The following ARB2A variants were observed in gnomAD, a reference collection of about 807,000 sequenced individuals.
ARB2A encodes the protein cotranscriptional regulator ARB2A.
the ARB2A span, among the ~76,000 whole-genome samples, chr5:93,931,250 G>A: frequency 6.6e-6 from 1 of 152,148 alleles, no homozygotes; most frequent in African/African-American, 2.4e-5. Flanking sequence ...CAGATCATCT[G>A]AGGTCAGCAG....
chr5:93,938,933 TTTAATG>T, the ARB2A span, among the ~76,000 whole-genome samples: 68 of 152,264 alleles, frequency 4.5e-4, 1 homozygote, highest in Middle Eastern at 3.4e-3. Flanking sequence ...GCCTGAAAAG[TTTAATG>T]AAAAGACAAT....
chr5:93,741,642 G>A, the ARB2A span: 2 of 1,425,090 alleles, frequency 1.4e-6, no homozygotes, highest in Non-Finnish European at 9.2e-7. Flanking sequence ...GCCCCCTCAA[G>A]CCCCGCCCCC....
chr5:93,937,473 G>C, the ARB2A span, among the ~76,000 whole-genome samples: 2 of 151,750 alleles, frequency 1.3e-5, no homozygotes, highest in South Asian at 4.2e-4. Context: ...TTAGCTGGGC[G>C]TGGTGGCATG....
the ARB2A span, among the ~76,000 whole-genome samples, chr5:93,635,735 C>A: frequency 6.6e-6 from 1 of 152,092 alleles, no homozygotes; most frequent in East Asian, 1.9e-4. Flanking sequence ...CTACTGCGTC[C>A]GGCTAGTTTA....
At chr5:93,655,068 C>G in the ARB2A span, among the ~76,000 whole-genome samples, 2 of 152,172 alleles carry the variant, frequency 1.3e-5, no homozygotes, top group African/African-American at 4.8e-5. Context: ...CCTTGCAGAG[C>G]CTCTGTTTCT....
chr5:93,618,436 C>G, the ARB2A span: 2 of 152,072 alleles, frequency 1.3e-5, no homozygotes, highest in Non-Finnish European at 2.9e-5. Flanking sequence ...GACTTTAAAT[C>G]TCCACTCTCC....
the ARB2A span, among the ~76,000 whole-genome samples, chr5:93,846,995 G>A: frequency 6.6e-6 from 1 of 152,168 alleles, no homozygotes; most frequent in Non-Finnish European, 1.5e-5. Flanking sequence ...CAAAGCTAGA[G>A]TCAATCCTCT....
chr5:94,045,551 T>G, the ARB2A span, among the ~76,000 whole-genome samples: 6 of 152,202 alleles, frequency 3.9e-5, no homozygotes, highest in Non-Finnish European at 5.9e-5. Context: ...TTGTTTAGCT[T>G]AGAAACAGGA....
chr5:93,776,307 G>T, the ARB2A span: 2 of 1,312,598 alleles, frequency 1.5e-6, no homozygotes, highest in Non-Finnish European at 2.1e-6. Flanking sequence ...TTTTTAGGGA[G>T]AGTTTAATTT....
the ARB2A span, among the ~76,000 whole-genome samples, chr5:93,839,524 T>C: frequency 6.6e-6 from 1 of 152,308 alleles, no homozygotes; most frequent in Non-Finnish European, 1.5e-5. Context: ...ATCAGGATGA[T>C]GCTGGCCTTA....
the ARB2A span, among the ~76,000 whole-genome samples, chr5:93,880,860 T>C: frequency 6.6e-6 from 1 of 151,674 alleles, no homozygotes; most frequent in East Asian, 1.9e-4. Context: ...GTTCCCTCAT[T>C]ACACTATCCC....
the ARB2A span, among the ~76,000 whole-genome samples, chr5:93,687,179 G>A: frequency 1.3e-5 from 2 of 152,024 alleles, no homozygotes; most frequent in African/African-American, 4.8e-5. Context: ...AATATAAATG[G>A]TCAATAATTA....
the ARB2A span, among the ~76,000 whole-genome samples, chr5:93,725,194 C>T: frequency 6.6e-6 from 1 of 152,026 alleles, no homozygotes; most frequent in Non-Finnish European, 1.5e-5. Context: ...GGGGGAACTA[C>T]TGTATTAAAT....
chr5:93,750,897 T>C, the ARB2A span, among the ~76,000 whole-genome samples: 1 of 152,304 alleles, frequency 6.6e-6, no homozygotes, highest in Admixed American at 6.5e-5. Context: ...TAGTATTTCA[T>C]ATATATTAAT....
the ARB2A span, among the ~76,000 whole-genome samples, chr5:93,692,401 G>C: frequency 6.6e-6 from 1 of 152,108 alleles, no homozygotes; most frequent in Admixed American, 6.5e-5. Flanking sequence ...TGCAATCCTA[G>C]TCTCTGATAA....
chr5:93,906,069 A>G, the ARB2A span, among the ~76,000 whole-genome samples: 3 of 151,592 alleles, frequency 2.0e-5, no homozygotes, highest in Non-Finnish European at 4.4e-5. Context: ...TTTACTATAA[A>G]GATAATCAAC....
chr5:94,058,653 A>C, the ARB2A span, among the ~76,000 whole-genome samples: 1 of 152,220 alleles, frequency 6.6e-6, no homozygotes, highest in Admixed American at 6.5e-5. Context: ...AATTATCCAA[A>C]ATGAAGCAGA....
At chr5:93,840,745 A>G in the ARB2A span, among the ~76,000 whole-genome samples, 3 of 152,294 alleles carry the variant, frequency 2.0e-5, no homozygotes, top group Admixed American at 2.0e-4. Context: ...GACACTCTGA[A>G]TATAGCAATT....
At chr5:93,729,691 A>C in the ARB2A span, among the ~76,000 whole-genome samples, 24 of 152,288 alleles carry the variant, frequency 1.6e-4, no homozygotes, top group African/African-American at 5.5e-4. Context: ...ATTTGCAGGA[A>C]AATTAGCAAT....
Sources: allele counts gnomAD v4.1 joint callset (sites outside exome capture counted in the v4.1 genomes callset), GRCh38; gene constraint gnomAD v4.1.1; transcripts MANE v1.5; gene names NCBI Gene and HGNC (gene_info 2026-07-23, HGNC 2026-07-21).